Variants in TMEM178B observed in about 807,000 individuals in gnomAD.
The protein encoded by TMEM178B is transmembrane protein 178B.
A neutral mutation model predicts 31.0 loss-of-function variants in TMEM178B; 5 were observed. That is an observed-to-expected ratio of 0.16 (90% confidence interval 0.08 to 0.34). TMEM178B has a LOEUF of 0.34. Ranked by LOEUF, TMEM178B falls within the 10% of genes least tolerant of loss-of-function variation. The pLI is 1.00. For synonymous variants in TMEM178B, 164 were observed against 164.0 expected (o/e 1.00, Z 0.00); for missense variants, 275 against 400.3 (o/e 0.69, Z 2.67).
intron 1 of TMEM178B, among the ~76,000 whole-genome samples, chr7:141,195,411 A>G (rs903429441): frequency 4.6e-5 from 7 of 152,206 alleles, no homozygotes; most frequent in Admixed American, 2.0e-4. Context: ...GGCAGGGCCA[A>G]AATTCTGCCA....
chr7:141,505,425 G>A, the TMEM178B span, among the ~76,000 whole-genome samples: 1 of 152,332 alleles, frequency 6.6e-6, no homozygotes, highest in South Asian at 2.1e-4. Flanking sequence ...TATTATCTGT[G>A]TGCCATTATG....
chr7:141,333,813 ATTAG>A (rs1414888713), intron 2 of TMEM178B, among the ~76,000 whole-genome samples: 1 of 152,202 alleles, frequency 6.6e-6, no homozygotes, highest in African/African-American at 2.4e-5. Flanking sequence ...ATCATCAGGT[ATTAG>A]TTAGAGTTTC....
chr7:141,452,863 C>T (rs1727471), intron 3 of TMEM178B, among the ~76,000 whole-genome samples: 116,727 of 151,610 alleles, frequency 0.77, 45,033 homozygotes, highest in South Asian at 0.85. Flanking sequence ...TGAAAAAATA[C>T]ATTGTGGCTC....
intron 2 of TMEM178B, among the ~76,000 whole-genome samples, chr7:141,315,676 C>T (rs1798989626): frequency 6.6e-6 from 1 of 152,218 alleles, no homozygotes; most frequent in African/African-American, 2.4e-5. Flanking sequence ...TTTTAAGGCC[C>T]TGACGTGATT....
the TMEM178B span, among the ~76,000 whole-genome samples, chr7:141,493,886 C>A: frequency 1.4e-4 from 22 of 152,278 alleles, no homozygotes; most frequent in African/African-American, 5.1e-4. Flanking sequence ...TGATTTAGAA[C>A]CACCTGGTGA....
intron 2 of TMEM178B, among the ~76,000 whole-genome samples, chr7:141,390,569 A>G (rs1800516361): frequency 6.6e-6 from 1 of 152,216 alleles, no homozygotes. Context: ...TGAAGAACGC[A>G]TGTCACATTC....
chr7:141,451,355 A>AT (rs1268066791), intron 3 of TMEM178B, among the ~76,000 whole-genome samples: 1 of 152,236 alleles, frequency 6.6e-6, no homozygotes, highest in Non-Finnish European at 1.5e-5. Context: ...CACTTAGTAC[A>AT]TTTTTAATAC....
intron 3 of TMEM178B, among the ~76,000 whole-genome samples, chr7:141,454,975 G>C (rs1173365602): frequency 2.0e-5 from 3 of 151,922 alleles, no homozygotes; most frequent in African/African-American, 7.3e-5. Context: ...AGAGGGCTTG[G>C]GGGAGGGCCT....
At chr7:141,298,462 C>T (rs1218071303) in intron 2 of TMEM178B, among the ~76,000 whole-genome samples, 1 of 152,218 alleles carries the variant, frequency 6.6e-6, no homozygotes, top group Non-Finnish European at 1.5e-5. Context: ...GCCCGATTAT[C>T]TTCAATGTGA....
Position 141,369,040 on chromosome 7 carries a change from C to T in TMEM178B, c.497-68568C>T, listed in dbSNP as rs530611774. ...CAAAGTATGGGGCTCTTGCTCACCCCCCTTTCCCAGTAGACTTGTCAGTAG... is the reference window on the plus strand; with the variant it reads ...CAAAGTATGGGGCTCTTGCTCACCCTCCTTTCCCAGTAGACTTGTCAGTAG... On this transcript the variant is annotated intron_variant, in intron 2 of 3. Coordinates refer to ENST00000565468, the MANE Select transcript of TMEM178B (RefSeq NM_001195278.2). Among the ~76,000 whole-genome samples the T allele has an allele frequency of 2.0e-5, 3 of 152,308 alleles. No individual in the cohort carries two copies. The East Asian group carries it at 5.8e-4, about 29-fold the overall frequency.
Position 141,474,882 on chromosome 7 carries a change from C to G in TMEM178B, c.*4096C>G, listed in dbSNP as rs1224677042. ...CACCCAGAGGCATTTAGAATGGACT[C>G]TCTCTTCACCTGGATTATGTGCTGA... On this transcript the variant is annotated 3_prime_UTR_variant, in exon 4 of 4. Coordinates refer to ENST00000565468, the MANE Select transcript of TMEM178B (RefSeq NM_001195278.2). The G allele has an allele frequency of 6.6e-6, 1 of 152,192 alleles. No homozygotes were observed. The highest frequency in any genetic ancestry group is 1.9e-4 in the East Asian group (1 of 5,198). 9.4% of individuals were successfully genotyped at this position (152,192 alleles called of 1,614,324 possible).
At chr7:141,076,439 G>T (rs951613070) in intron 1 of TMEM178B, among the ~76,000 whole-genome samples, 1 of 152,178 alleles carries the variant, frequency 6.6e-6, no homozygotes, top group East Asian at 1.9e-4. Flanking sequence ...TTCCTTCCTT[G>T]AATGCCTTCT....
chr7:141,282,654 A>C (rs768019034), intron 2 of TMEM178B, among the ~76,000 whole-genome samples: 3 of 152,242 alleles, frequency 2.0e-5, no homozygotes, highest in African/African-American at 7.2e-5. Flanking sequence ...GCCTTATCGC[A>C]TGAGAGGTAT....
chr7:141,284,966 A>G (rs1798421026), intron 2 of TMEM178B, among the ~76,000 whole-genome samples: 1 of 151,736 alleles, frequency 6.6e-6, no homozygotes. Context: ...TCAATTAGAG[A>G]TATGAATTCT....
chr7:141,433,116 T>C (rs568567416), intron 2 of TMEM178B, among the ~76,000 whole-genome samples: 1 of 152,336 alleles, frequency 6.6e-6, no homozygotes, highest in Admixed American at 6.5e-5. Flanking sequence ...TCAACTGTGC[T>C]GGCTGACCCT....
chr7:141,134,681 A>G (rs1795646791), intron 1 of TMEM178B, among the ~76,000 whole-genome samples: 1 of 152,266 alleles, frequency 6.6e-6, no homozygotes, highest in Non-Finnish European at 1.5e-5. Context: ...ATCAATAATA[A>G]CTTTGGCTGT....
intron 2 of TMEM178B, among the ~76,000 whole-genome samples, chr7:141,336,425 C>T (rs1799389189): frequency 6.6e-6 from 1 of 152,116 alleles, no homozygotes; most frequent in Non-Finnish European, 1.5e-5. Context: ...TGTTAAATGA[C>T]AGAATCCTGG....
At chr7:141,106,611 A>G (rs1168396670) in intron 1 of TMEM178B, among the ~76,000 whole-genome samples, 1 of 152,206 alleles carries the variant, frequency 6.6e-6, no homozygotes, top group African/African-American at 2.4e-5. Flanking sequence ...TCCTCAGGCC[A>G]CTTTCTGAAG....
At chr7:141,330,726 A>G (rs1423509816) in intron 2 of TMEM178B, among the ~76,000 whole-genome samples, 1 of 152,222 alleles carries the variant, frequency 6.6e-6, no homozygotes, top group Non-Finnish European at 1.5e-5. Flanking sequence ...GGCTTTGCAA[A>G]GAAGAATGAT....
Sources: gnomAD v4.1 joint callset for allele counts (sites outside exome capture counted in the v4.1 genomes callset) on GRCh38, gnomAD v4.1.1 for gene constraint, MANE v1.5 for transcripts, NCBI Gene and HGNC (gene_info 2026-07-23, HGNC 2026-07-21) for gene names.